Variants in SLC4A4 observed in about 807,000 individuals in gnomAD.
The protein encoded by SLC4A4 is solute carrier family 4 member 4.
In SLC4A4, 27 loss-of-function variants were observed where a neutral mutation model predicts 111.5. That is an observed-to-expected ratio of 0.24 (90% confidence interval 0.18 to 0.33). The LOEUF (loss-of-function observed/expected upper bound fraction) is 0.33. Among genes scored for constraint, SLC4A4 ranks in the 10% least tolerant of loss-of-function variants. SLC4A4 has a pLI of 1.00. For missense variants in SLC4A4, 909 were observed against 1,315.5 expected (o/e 0.69, Z 4.78); for synonymous variants, 443 against 463.4 (o/e 0.96, Z 0.57).
chr4:71,336,680 A>T (rs1239664285), intron 3 of SLC4A4, among the ~76,000 whole-genome samples: 1 of 151,758 alleles, frequency 6.6e-6, no homozygotes, highest in Middle Eastern at 3.4e-3. Flanking sequence ...GTCTCCTAAA[A>T]CTCCTTGAAT....
At chr4:71,128,643 C>T (rs1357500378) in intron 2 of SLC4A4, among the ~76,000 whole-genome samples, 6 of 152,066 alleles carry the variant, frequency 3.9e-5, no homozygotes, top group Non-Finnish European at 5.9e-5. Context: ...TGTGAACCAC[C>T]GTGCCAAGCT....
At chr4:71,537,162 C>T (rs1453416033) in intron 18 of SLC4A4, among the ~76,000 whole-genome samples, 2 of 151,784 alleles carry the variant, frequency 1.3e-5, no homozygotes, top group East Asian at 3.9e-4. Context: ...CCTGCTATAC[C>T]TACTGTGCTG....
chr4:71,517,122 G>T (rs1732478212), intron 16 of SLC4A4, among the ~76,000 whole-genome samples: 1 of 152,062 alleles, frequency 6.6e-6, no homozygotes, highest in African/African-American at 2.4e-5. Context: ...CCTATAGCTA[G>T]ATATTTATAT....
intron 15 of SLC4A4, among the ~76,000 whole-genome samples, chr4:71,490,128 C>G (rs1729766655): frequency 1.3e-5 from 2 of 151,772 alleles, no homozygotes. Context: ...AACTTGCAAA[C>G]CAAATTCCTT....
chr4:71,346,999 T>C (rs949761876), intron 4 of SLC4A4, among the ~76,000 whole-genome samples: 1 of 152,186 alleles, frequency 6.6e-6, no homozygotes, highest in Non-Finnish European at 1.5e-5. Flanking sequence ...CTTATAAATA[T>C]AGATTTTAAG....
intron 16 of SLC4A4, among the ~76,000 whole-genome samples, chr4:71,510,097 A>G (rs574357230): frequency 6.6e-6 from 1 of 152,078 alleles, no homozygotes; most frequent in African/African-American, 2.4e-5. Flanking sequence ...TGAATTTTGG[A>G]CTTGTGAGGA....
chr4:71,426,674 C>T (rs1357427036), intron 7 of SLC4A4, among the ~76,000 whole-genome samples: 6 of 152,150 alleles, frequency 3.9e-5, no homozygotes, highest in Non-Finnish European at 8.8e-5. Flanking sequence ...CTTCCTTCTA[C>T]ATCCCAGCCC....
At chr4:71,178,356 A>T (rs1578555276) in intron 2 of SLC4A4, among the ~76,000 whole-genome samples, 1 of 152,282 alleles carries the variant, frequency 6.6e-6, no homozygotes, top group East Asian at 1.9e-4. Context: ...AACTAAGATC[A>T]GAGCAGAAAT....
At chr4:71,128,847 C>G (rs1224918227) in intron 2 of SLC4A4, among the ~76,000 whole-genome samples, 1 of 152,154 alleles carries the variant, frequency 6.6e-6, no homozygotes, top group East Asian at 1.9e-4. Flanking sequence ...GAATTACTCT[C>G]AATCCCTAAA....
intron 6 of SLC4A4, among the ~76,000 whole-genome samples, chr4:71,363,162 G>A (rs1267078242): frequency 6.6e-6 from 1 of 152,076 alleles, no homozygotes; most frequent in Non-Finnish European, 1.5e-5. Flanking sequence ...GTCTATTGCT[G>A]TTACCTACAG....
chr4:71,297,621 T>A (rs1560388403), intron 3 of SLC4A4, among the ~76,000 whole-genome samples: 1 of 146,094 alleles, frequency 6.8e-6, no homozygotes, highest in Non-Finnish European at 1.5e-5. Context: ...AGAATCTAGC[T>A]CTGTCGCCCA....
intron 6 of SLC4A4, among the ~76,000 whole-genome samples, chr4:71,389,609 C>A (rs1030036764): frequency 4.6e-5 from 7 of 152,180 alleles, no homozygotes; most frequent in Admixed American, 4.6e-4. Context: ...TCTGGGCCAG[C>A]TACAAACTTC....
At chr4:71,289,592 A>G (rs1724176782) in intron 3 of SLC4A4, among the ~76,000 whole-genome samples, 1 of 152,228 alleles carries the variant, frequency 6.6e-6, no homozygotes, top group South Asian at 2.1e-4. Context: ...GAAAAAAAAC[A>G]GTGCAAATGG....
intron 4 of SLC4A4, among the ~76,000 whole-genome samples, chr4:71,349,371 C>T (rs565804990): frequency 3.9e-4 from 59 of 152,096 alleles, no homozygotes; most frequent in Admixed American, 6.6e-4. Flanking sequence ...CACAACAAAA[C>T]GTGCCGGTCT....
chr4:71,066,168 G>A (rs1310104261), intron 1 of SLC4A4, among the ~76,000 whole-genome samples: 1 of 152,124 alleles, frequency 6.6e-6, no homozygotes, highest in Non-Finnish European at 1.5e-5. Context: ...AGTCCAGATG[G>A]GGCAATTGAA....
chr4:71,236,296 G>A, intron 1 of SLC4A4: 1 of 1,034,468 alleles, frequency 9.7e-7, no homozygotes, highest in African/African-American at 1.7e-5. Flanking sequence ...AAAGGGGAGA[G>A]CCCCCAACAT....
At chr4:71,440,804 T>A (rs754898985) in intron 8 of SLC4A4, 31 bp downstream of exon 8, 4 of 1,612,344 alleles carry the variant, frequency 2.5e-6, no homozygotes, top group Non-Finnish European at 3.4e-6. Flanking sequence ...GGGTCTACAA[T>A]GTGCTAATAG....
intron 17 of SLC4A4, 59 bp from the exon 18 acceptor site, chr4:71,534,168 A>G (rs1460596268): frequency 2.6e-6 from 4 of 1,527,208 alleles, no homozygotes; most frequent in African/African-American, 2.7e-5. Flanking sequence ...TGGTTTTTTC[A>G]CCAAATAGTA....
At chr4:71,254,405 C>G (rs908117035) in intron 2 of SLC4A4, among the ~76,000 whole-genome samples, 4 of 152,050 alleles carry the variant, frequency 2.6e-5, no homozygotes, top group African/African-American at 9.7e-5. Flanking sequence ...ATTTCACAAT[C>G]TTTTTTCCTC....
Sources: allele counts gnomAD v4.1 joint callset (sites outside exome capture counted in the v4.1 genomes callset), GRCh38; gene constraint gnomAD v4.1.1; transcripts MANE v1.5; gene names NCBI Gene and HGNC (gene_info 2026-07-23, HGNC 2026-07-21).